Variants in PCDHB10 observed in about 807,000 individuals in gnomAD.
PCDHB10 encodes the protein protocadherin beta-10.
For missense variants in PCDHB10, 1,046 were observed against 1,004.7 expected, an observed-to-expected ratio of 1.04 and a Z score of -0.56; for synonymous variants, 448 against 449.2, an observed-to-expected ratio of 1.00 and a Z score of 0.04.
chr5:141,194,087 A>G lies in PCDHB10; in HGVS notation c.1535A>G (p.His512Arg). 2 of 1,604,972 alleles carry G rather than the reference A, an allele frequency of 1.2e-6. No individual in the cohort carries two copies. The highest frequency in any genetic ancestry group is 1.7e-6 in the Non-Finnish European group (2 of 1,175,960). ...SLVSINADNGHLFALRSLDYE... is the reference protein window; with the variant it reads ...SLVSINADNGRLFALRSLDYE... ...GTCTCCATCAACGCGGACAACGGCC[A>G]CCTGTTCGCCCTCAGGTCGCTGGAC... The change falls in exon 1 of 1, where the codon CAC becomes CGC. Residue 512 changes from histidine (H) to arginine (R), a missense_variant. By Grantham distance (29) the His-to-Arg change is conservative (BLOSUM62 0). Transcript: ENST00000239446.
rs1753940134 is a variant in PCDHB10 at position 141,192,970 on chromosome 5, T to C, written c.418T>C (p.Leu140=). ...APVFQDKETV[L]KISENTAEGT... is the part of the protein sequence containing the mutation. Reference sequence around the variant, plus strand: ...AGTATTTCAGGACAAAGAAACAGTCTTAAAAATATCAGAAAATACAGCTGA... The same window carrying C: ...AGTATTTCAGGACAAAGAAACAGTCCTAAAAATATCAGAAAATACAGCTGA... Residue 140 remains leucine (L), a synonymous_variant, in exon 1 of 1, where the codon TTA becomes CTA. Coordinates refer to ENST00000239446, the MANE Select transcript of PCDHB10 (RefSeq NM_018930.4). 5.6e-6 allele frequency: 9 copies of C among 1,613,990 alleles called. No homozygotes were observed. The highest frequency in any genetic ancestry group is 7.6e-6 in the Non-Finnish European group (9 of 1,180,042).
rs1753988078 is a variant in PCDHB10, at chr5:141,194,154, A to G, written c.1602A>G (p.Thr534=). The change falls in exon 1 of 1, where the codon ACA becomes ACG. Residue 534 remains threonine (T), a synonymous_variant. Coordinates refer to ENST00000239446, the MANE Select transcript of PCDHB10 (RefSeq NM_018930.4). ...CTTTCGAGTTCCGCGTGGGCGCCAC[A>G]GACCGCGGCTCCCCCGCGCTGAGCA... ...LQAFEFRVGA[T]DRGSPALSRE... The G allele has an allele frequency of 1.2e-6, 2 of 1,604,588 alleles. No homozygotes were observed. Among genetic ancestry groups the G allele is most frequent in the Non-Finnish European group, 1.7e-6 (2 of 1,177,348 alleles).
rs782557119 is a variant in PCDHB10, at chr5:141,193,465, G to A, written c.913G>A (p.Glu305Lys). ...TTTTTCTGGGGAAATCTTTCTCAGA[G>A]AATTGCTTGATTATGAGTTAGTAAA... Reference protein sequence around the residue: ...NPFSGEIFLRELLDYELVNSY... With the variant: ...NPFSGEIFLRKLLDYELVNSY... The change falls in exon 1 of 1, where the codon GAA becomes AAA. Residue 305 changes from glutamate (E) to lysine (K), a missense_variant. Glu to Lys is a moderately conservative substitution (Grantham distance 56). Transcript: ENST00000239446. 1.2e-6 allele frequency: 2 copies of A among 1,614,122 alleles called. No homozygotes were observed. Among genetic ancestry groups the A allele is most frequent in the East Asian group, 4.5e-5 (2 of 44,878 alleles).
In PCDHB10 at chr5:141,194,007, G is replaced by A. The variant is rs1753980864; in HGVS notation, c.1455G>A (p.Gln485=). 1 of 1,609,296 alleles carries A rather than the reference G, an allele frequency of 6.2e-7. No individual in the cohort carries two copies. Among genetic ancestry groups the A allele is most frequent in the South Asian group, 1.1e-5 (1 of 90,938 alleles). The change falls in exon 1 of 1, where the codon CAG becomes CAA. Residue 485 remains glutamine (Q), a synonymous_variant. Transcript: ENST00000239446. ...ATDRDSGTNA[Q]VTYSLLPPQD... Reference sequence around the variant, plus strand: ...ACAGAGACTCGGGCACCAACGCCCAGGTCACCTACTCGCTGCTGCCGCCCC... The same window carrying A: ...ACAGAGACTCGGGCACCAACGCCCAAGTCACCTACTCGCTGCTGCCGCCCC...
chr5:141,194,974 T>C lies in PCDHB10; in HGVS notation c.*19T>C. 6.4e-7 allele frequency: 1 copy of C among 1,566,832 alleles called. No homozygotes were observed. Among genetic ancestry groups the C allele is most frequent in the Non-Finnish European group, 8.7e-7 (1 of 1,154,780 alleles). ...TCAGTAAAGTCTGTTTTTAGTTTCA[T>C]ATACTTTTGGTGTGTTACATAGCCA... On this transcript the variant is annotated 3_prime_UTR_variant, in exon 1 of 1. Coordinates refer to ENST00000239446, the MANE Select transcript of PCDHB10 (RefSeq NM_018930.4).
Position 141,193,903 on chromosome 5 carries a change from T to G in PCDHB10, c.1351T>G (p.Phe451Val), listed in dbSNP as rs1554284203. The G allele has an allele frequency of 6.2e-7, 1 of 1,613,500 alleles. No individual in the cohort carries two copies. The highest frequency in any genetic ancestry group is 1.3e-5 in the African/African-American group (1 of 74,938). ...CGACGTCAATGACAACGCCCCCGCC[T>G]TCACCCAAACCTCCTACACCCTGTT... Reference protein sequence around the residue: ...VSDVNDNAPAFTQTSYTLFVR... With the variant: ...VSDVNDNAPAVTQTSYTLFVR... Residue 451 changes from phenylalanine (F) to valine (V), a missense_variant, in exon 1 of 1, where the codon TTC becomes GTC. Transcript: ENST00000239446.
In PCDHB10 at chr5:141,193,215, C is replaced by T; in HGVS notation, c.663C>T (p.Ser221=). The T allele has an allele frequency of 6.2e-7, 1 of 1,614,048 alleles. No individual in the cohort carries two copies. The highest frequency in any genetic ancestry group is 8.5e-7 in the Non-Finnish European group (1 of 1,180,004). The change falls in exon 1 of 1, where the codon TCC becomes TCT. Residue 221 remains serine (S), a synonymous_variant. Coordinates refer to ENST00000239446, the MANE Select transcript of PCDHB10 (RefSeq NM_018930.4). ...CAGCGCTGGATGGTGGGTCTCCATC[C>T]AGGTCTGGGACCTCTACTGTACGCA... ...TLTALDGGSP[S]RSGTSTVRIV...
At position 141,194,926 on chromosome 5, in the gene PCDHB10, C is replaced by T. The variant is rs782674464; in HGVS notation, c.2374C>T (p.Arg792Ter). 2.0e-5 allele frequency: 32 copies of T among 1,610,734 alleles called. No individual in the cohort carries two copies. Among genetic ancestry groups the T allele is most frequent in the Non-Finnish European group, 2.5e-5 (29 of 1,178,070 alleles). The change falls in exon 1 of 1, where the codon CGA (arginine) becomes TGA (stop). Residue 792 changes from arginine to a stop codon, truncating the protein, a stop_gained. Coordinates refer to ENST00000239446, the MANE Select transcript of PCDHB10 (RefSeq NM_018930.4). LOFTEE classifies it low-confidence loss of function (END_TRUNC). ...GAAGGGTGAAGAAAATTCCACCTTC[C>T]GAAATAGCTTTGGATTTAATATTCA... ...GRKGEENSTF[R>*]NSFGFNIQ
rs782338014 is a variant in PCDHB10 at position 141,193,072 on chromosome 5, C to T, written c.520C>T (p.Pro174Ser). The T allele has an allele frequency of 3.2e-5, 51 of 1,613,996 alleles. 1 individual carries two copies. Among genetic ancestry groups the T allele is most frequent in the South Asian group, 2.1e-4 (19 of 91,078 alleles). Residue 174 changes from proline (P) to serine (S), a missense_variant, in exon 1 of 1, where the codon CCC (proline) becomes TCC (serine). By Grantham distance (74) the Pro-to-Ser change is moderately conservative. Coordinates refer to ENST00000239446, the MANE Select transcript of PCDHB10 (RefSeq NM_018930.4). ...CGGTATCCAAAACTACACGATCAGC[C>T]CCAACTCTTTTTTCCATATTAACAT... is the stretch of plus-strand genomic sequence containing the variant. ...LNGIQNYTISPNSFFHINISG... is the reference protein window; with the variant it reads ...LNGIQNYTISSNSFFHINISG...
Position 141,193,000 on chromosome 5 carries a change from A to G in PCDHB10, c.448A>G (p.Thr150Ala). Residue 150 changes from threonine to alanine, a missense_variant, in exon 1 of 1, where the codon ACA becomes GCA. Thr to Ala is a moderately conservative substitution (Grantham distance 58). Transcript: ENST00000239446. ...LKISENTAEG[T>A]AFRLERAQDP... ...AATATCAGAAAATACAGCTGAAGGG[A>G]CAGCATTTAGACTAGAAAGAGCACA... The G allele has an allele frequency of 6.2e-7, 1 of 1,614,224 alleles. No individual in the cohort carries two copies. Among genetic ancestry groups the G allele is most frequent in the Non-Finnish European group, 8.5e-7 (1 of 1,180,050 alleles).
At position 141,192,867 on chromosome 5, in the gene PCDHB10, T is replaced by C. The variant is rs1373850828; in HGVS notation, c.315T>C (p.Tyr105=). Residue 105 remains tyrosine, a synonymous_variant, in exon 1 of 1, where the codon TAT becomes TAC. Transcript: ENST00000239446. ...LCGPKEPCML[Y]FQILMDDPFQ... is the part of the protein sequence containing the mutation. ...GCCCTAAAGAGCCCTGTATGCTGTA[T>C]TTCCAAATTTTAATGGATGATCCCT... is the stretch of plus-strand genomic sequence containing the variant. 2 of 1,613,658 alleles carry C rather than the reference T, an allele frequency of 1.2e-6. No individual in the cohort carries two copies. Among genetic ancestry groups the C allele is most frequent in the African/African-American group, 1.3e-5 (1 of 74,892 alleles).
Position 141,193,547 on chromosome 5 carries a change from G to A in PCDHB10, c.995G>A (p.Arg332Lys). 1.2e-6 allele frequency: 2 copies of A among 1,614,056 alleles called. No individual in the cohort carries two copies. The highest frequency in any genetic ancestry group is 1.7e-5 in the Admixed American group (1 of 60,018). ...GGTGGAGGCCTTTCTGCAAGATGTA[G>A]GGTTTTAGTGGAAGTATTGGACACC... ...MDGGGLSARC[R>K]VLVEVLDTND... Residue 332 changes from arginine to lysine, a missense_variant, in exon 1 of 1, where the codon AGG becomes AAG. Arg to Lys is a conservative substitution (Grantham distance 26). Transcript: ENST00000239446.
Position 141,193,722 on chromosome 5 carries a change from A to T in PCDHB10, c.1170A>T (p.Pro390=). ...KMVCYIQENL[P]FLLKPSVENF... ...TTTGCTACATTCAAGAGAATCTGCC[A>T]TTCCTACTAAAACCTTCTGTGGAGA... The change falls in exon 1 of 1, where the codon CCA becomes CCT. Residue 390 remains proline, a synonymous_variant. Transcript: ENST00000239446. 3 of 1,614,160 alleles carry T rather than the reference A, an allele frequency of 1.9e-6. No homozygotes were observed. The highest frequency in any genetic ancestry group is 2.5e-6 in the Non-Finnish European group (3 of 1,180,042).
chr5:141,193,215 C>A lies in PCDHB10; in HGVS notation c.663C>A (p.Ser221=). 1.2e-6 allele frequency: 2 copies of A among 1,614,046 alleles called. No individual in the cohort carries two copies. Among genetic ancestry groups the A allele is most frequent in the African/African-American group, 2.7e-5 (2 of 74,982 alleles). ...CAGCGCTGGATGGTGGGTCTCCATC[C>A]AGGTCTGGGACCTCTACTGTACGCA... The part of the protein sequence containing the change: ...TLTALDGGSP[S]RSGTSTVRIV... The change falls in exon 1 of 1, where the codon TCC becomes TCA. Residue 221 remains serine, a synonymous_variant. Transcript: ENST00000239446.
At position 141,194,573 on chromosome 5, in the gene PCDHB10, CG is replaced by C; in HGVS notation, c.2023del (p.Glu675ArgfsTer67). 1.3e-6 allele frequency: 2 copies of C among 1,565,414 alleles called. 1 individual carries two copies. Among genetic ancestry groups the C allele is most frequent in the Non-Finnish European group, 1.7e-6 (2 of 1,161,798 alleles). Reference protein sequence around the residue: ...DGFSQPYLPLPEAAPAQAQAE... With the variant: ...DGFSQPYLPLXEAAPAQAQAE... Reference sequence around the variant, plus strand: ...TTCTCCCAGCCCTACCTGCCTCTCCCGGAGGCGGCCCCGGCCCAGGCCCAGG... The same window carrying C: ...TTCTCCCAGCCCTACCTGCCTCTCCCGAGGCGGCCCCGGCCCAGGCCCAGG... On this transcript the variant is annotated frameshift_variant, in exon 1 of 1. Transcript: ENST00000239446. LOFTEE classifies it low-confidence loss of function (END_TRUNC).
rs782167715 is a variant in PCDHB10 at position 141,194,722 on chromosome 5, G to C, written c.2170G>C (p.Val724Leu). Residue 724 changes from valine to leucine, a missense_variant, in exon 1 of 1, where the codon GTG becomes CTG. By Grantham distance (32) the Val-to-Leu change is conservative. Coordinates refer to ENST00000239446, the MANE Select transcript of PCDHB10 (RefSeq NM_018930.4). ...RLCRRSRAASVGRCSVPEGPF... is the reference protein window; with the variant it reads ...RLCRRSRAASLGRCSVPEGPF... ...GTGCAGGAGGAGCAGGGCGGCCTCG[G>C]TGGGTCGCTGCTCGGTGCCCGAGGG... 1 of 1,611,910 alleles carries C rather than the reference G, an allele frequency of 6.2e-7. No homozygotes were observed. The highest frequency in any genetic ancestry group is 8.5e-7 in the Non-Finnish European group (1 of 1,179,920).
rs145088741 is a variant in PCDHB10, at chr5:141,193,828, T to C, written c.1276T>C (p.Leu426=). ...CAACATCACTATCACCGTCACTGAC[T>C]TGGGGACACCCAGGCTGAAAACCGA... ...EYNITITVTD[L]GTPRLKTEHN... is the part of the protein sequence containing the mutation. The change falls in exon 1 of 1, where the codon TTG becomes CTG. Residue 426 remains leucine, a synonymous_variant. Coordinates refer to ENST00000239446, the MANE Select transcript of PCDHB10 (RefSeq NM_018930.4). 2.5e-4 allele frequency: 402 copies of C among 1,614,164 alleles called. 6 individuals are homozygous for C. The South Asian group carries it at 2.9e-3, about 12-fold the overall frequency.
Position 141,194,494 on chromosome 5 carries a change from G to A in PCDHB10, c.1942G>A (p.Gly648Ser). 6.3e-7 allele frequency: 1 copy of A among 1,593,442 alleles called. No individual in the cohort carries two copies. The highest frequency in any genetic ancestry group is 8.5e-7 in the Non-Finnish European group (1 of 1,175,438). The change falls in exon 1 of 1, where the codon GGC (glycine) becomes AGC (serine). Residue 648 changes from glycine (G) to serine (S), a missense_variant. By Grantham distance (56) the Gly-to-Ser change is moderately conservative. Coordinates refer to ENST00000239446, the MANE Select transcript of PCDHB10 (RefSeq NM_018930.4). ...HRLVVLVKDN[G>S]EPPRSATATL... ...GCTCGTGGTGCTTGTCAAGGACAAT[G>A]GCGAGCCTCCTCGCTCGGCCACCGC...
At position 141,193,240 on chromosome 5, in the gene PCDHB10, A is replaced by G. The variant is rs1175328279; in HGVS notation, c.688A>G (p.Ile230Val). ...CAGGTCTGGGACCTCTACTGTACGC[A>G]TCGTTGTCTTGGACGTCAATGACAA... ...PSRSGTSTVR[I>V]VVLDVNDNAP... The change falls in exon 1 of 1, where the codon ATC becomes GTC. Residue 230 changes from isoleucine to valine, a missense_variant. Ile to Val is a conservative substitution (Grantham distance 29, BLOSUM62 3). Transcript: ENST00000239446. 1 of 1,614,104 alleles carries G rather than the reference A, an allele frequency of 6.2e-7. No homozygotes were observed. The highest frequency in any genetic ancestry group is 1.1e-5 in the South Asian group (1 of 91,070).
Sources: gnomAD v4.1 joint callset for allele counts on GRCh38, gnomAD v4.1.1 for gene constraint, MANE v1.5 for transcripts, NCBI Gene and HGNC (gene_info 2026-07-23, HGNC 2026-07-21) for gene names.